CHRNB4: variants seen among roughly 807,000 people sequenced by gnomAD.
The protein encoded by CHRNB4 is neuronal acetylcholine receptor subunit beta-4.
CHRNB4 carries 23 observed loss-of-function variants against 40.4 expected under a neutral mutation model. The observed-to-expected ratio is 0.57, with a 90% CI of 0.41 to 0.81. The LOEUF is 0.81. Ranked by LOEUF, CHRNB4 falls within the 30% of genes least tolerant of loss-of-function variation. The pLI is 0.00. For missense variants in CHRNB4, 568 were observed against 670.6 expected (o/e 0.85, Z 1.69); for synonymous variants, 285 against 274.4 (o/e 1.04, Z -0.38).
Position 78,624,754 on chromosome 15 carries a change from G to C in CHRNB4, c.*379C>G, listed in dbSNP as rs72648891. 82 of 476,582 alleles carry C rather than the reference G, an allele frequency of 1.7e-4. No homozygotes were observed. Among genetic ancestry groups the C allele is most frequent in the Non-Finnish European group, 2.6e-4 (72 of 273,022 alleles). 29.5% of individuals were successfully genotyped at this position (476,582 alleles called of 1,614,324 possible). A position where few individuals can be genotyped will look rare whatever the true frequency, so the allele number is the denominator to read the frequency against. ...AAGCCTCTGAGCTGGGAAGAATCTA[G>C]AAGTGTGTGAGGAACTGGACAAGGG... On this transcript the variant is annotated 3_prime_UTR_variant, in exon 6 of 6. Coordinates refer to ENST00000261751, the MANE Select transcript of CHRNB4 (RefSeq NM_000750.5).
upstream of CHRNB4, among the ~76,000 whole-genome samples, chr15:78,642,135 TCA>T (rs1174837490): frequency 6.6e-6 from 1 of 152,090 alleles, no homozygotes; most frequent in Non-Finnish European, 1.5e-5. Context: ...TCCAGGACTC[TCA>T]GTCTTGCTTT....
Position 78,624,701 on chromosome 15 carries a change from A to C in CHRNB4, c.*432T>G, listed in dbSNP as rs1455397914. On this transcript the variant is annotated 3_prime_UTR_variant, in exon 6 of 6. Coordinates refer to ENST00000261751, the MANE Select transcript of CHRNB4 (RefSeq NM_000750.5). ...TAGCAAGACTCCGTTTAAAAGAAAA[A>C]AAAAAAGATGATGATATGGCAAATG... 2 of 379,082 alleles carry C rather than the reference A, an allele frequency of 5.3e-6. No individual in the cohort carries two copies. The highest frequency in any genetic ancestry group is 4.1e-5 in the African/African-American group (2 of 48,444). The allele number at this position is 379,082 out of a possible 1,614,324, so 23.5% of individuals were successfully genotyped here.
chr15:78,628,339 G>C (rs2053707414), intron 5 of CHRNB4: 1 of 152,806 alleles, frequency 6.5e-6, no homozygotes, highest in African/African-American at 2.4e-5. Flanking sequence ...TGGTACCCCA[G>C]CCCGCCTGTG....
chr15:78,650,074 C>A (rs1265323119), intron 6 of CHRNB4, among the ~76,000 whole-genome samples: 1 of 152,134 alleles, frequency 6.6e-6, no homozygotes, highest in African/African-American at 2.4e-5. Context: ...CATGGGCAGG[C>A]GCCCTCCCTG....
chr15:78,628,224 T>TAC (rs1398974009), intron 5 of CHRNB4: 1 of 152,212 alleles, frequency 6.6e-6, no homozygotes, highest in African/African-American at 2.4e-5. Context: ...ATTAATTCAT[T>TAC]ACCCTGGTAA....
chr15:78,661,019 A>C (rs920994310), upstream of CHRNB4: 1 of 529,792 alleles, frequency 1.9e-6, no homozygotes, highest in Admixed American at 2.3e-5. Context: ...AAATCTTTTT[A>C]ATAAGAGGGT....
Sources: gnomAD v4.1 joint callset for allele counts (sites outside exome capture counted in the v4.1 genomes callset) on GRCh38, gnomAD v4.1.1 for gene constraint, MANE v1.5 for transcripts, NCBI Gene and HGNC (gene_info 2026-07-23, HGNC 2026-07-21) for gene names.